Variants in OCA2 observed in about 807,000 individuals in gnomAD.
OCA2 encodes the protein OCA2 melanosomal transmembrane protein.
OCA2 carries 77 observed loss-of-function variants against 100.2 expected under a neutral mutation model. The observed-to-expected ratio is 0.77, with a 90% CI of 0.64 to 0.93. The LOEUF (loss-of-function observed/expected upper bound fraction) is 0.93, where lower values mean the gene tolerates loss of function less well. OCA2 is among the 40% of genes least tolerant of loss of function. The pLI is 0.00. For synonymous variants in OCA2, 432 were observed against 439.2 expected (o/e 0.98, Z 0.21); for missense variants, 1,062 against 1,089.1 (o/e 0.98, Z 0.35).
At chr15:28,057,228 G>A (rs1342231777) in intron 2 of OCA2, among the ~76,000 whole-genome samples, 2 of 152,114 alleles carry the variant, frequency 1.3e-5, no homozygotes. Flanking sequence ...GCACCTTTTT[G>A]AAACTATCCA....
chr15:27,876,330 C>G (rs1291188291), intron 19 of OCA2, among the ~76,000 whole-genome samples: 2 of 151,972 alleles, frequency 1.3e-5, no homozygotes, highest in Non-Finnish European at 2.9e-5. Flanking sequence ...TTATGCTGTA[C>G]TATTTTATAT....
chr15:27,939,400 T>C (rs561795125), intron 18 of OCA2, among the ~76,000 whole-genome samples: 1 of 152,212 alleles, frequency 6.6e-6, no homozygotes, highest in Non-Finnish European at 1.5e-5. Flanking sequence ...TGCAGTGATA[T>C]GTAAAATATG....
At chr15:27,728,514 G>A in the OCA2 span, among the ~76,000 whole-genome samples, 2 of 152,120 alleles carry the variant, frequency 1.3e-5, no homozygotes, top group African/African-American at 4.8e-5. Context: ...CCCTTTCGGC[G>A]CAAGCTGGCA....
At chr15:27,755,735 G>A (rs1048153136) in intron 23 of OCA2, among the ~76,000 whole-genome samples, 2 of 152,172 alleles carry the variant, frequency 1.3e-5, no homozygotes, top group African/African-American at 4.8e-5. Context: ...TGGAGCCTCT[G>A]TTTGTTCATC....
intron 23 of OCA2, among the ~76,000 whole-genome samples, chr15:27,759,339 C>G (rs1437979264): frequency 1.3e-5 from 2 of 152,012 alleles, no homozygotes; most frequent in African/African-American, 4.8e-5. Context: ...AAGAAGGAAT[C>G]TTGGAGTATC....
At chr15:28,078,502 G>A (rs1291531316) in intron 2 of OCA2, among the ~76,000 whole-genome samples, 1 of 152,194 alleles carries the variant, frequency 6.6e-6, no homozygotes, top group Non-Finnish European at 1.5e-5. Flanking sequence ...CAGATGGAGT[G>A]GGCCCCTGGC....
intron 9 of OCA2, among the ~76,000 whole-genome samples, chr15:28,001,270 C>T (rs2041915921): frequency 6.6e-6 from 1 of 151,944 alleles, no homozygotes; most frequent in African/African-American, 2.4e-5. Context: ...CACACACACA[C>T]ACACACACAT....
intron 22 of OCA2, among the ~76,000 whole-genome samples, chr15:27,848,262 C>A (rs1293059492): frequency 1.3e-5 from 2 of 152,224 alleles, no homozygotes; most frequent in Admixed American, 6.5e-5. Flanking sequence ...TGCAGGGAGT[C>A]TGCTTCCTCT....
At chr15:27,805,454 C>T (rs1215978267) in intron 23 of OCA2, among the ~76,000 whole-genome samples, 3 of 152,200 alleles carry the variant, frequency 2.0e-5, no homozygotes, top group Admixed American at 6.5e-5. Context: ...CGCGGGGACC[C>T]GGTGTAAAAC....
chr15:28,035,058 C>T (rs770209081), intron 2 of OCA2, among the ~76,000 whole-genome samples: 20 of 151,930 alleles, frequency 1.3e-4, no homozygotes, highest in Admixed American at 6.6e-5. Context: ...AGCACCACAT[C>T]GCACAATGTG....
At chr15:27,920,246 T>C (rs926870606) in intron 19 of OCA2, among the ~76,000 whole-genome samples, 3 of 151,720 alleles carry the variant, frequency 2.0e-5, no homozygotes, top group Non-Finnish European at 4.4e-5. Flanking sequence ...AAGACCCAAA[T>C]AGATTGAAAG....
intron 6 of OCA2, among the ~76,000 whole-genome samples, chr15:28,020,550 T>C (rs1431264927): frequency 2.6e-5 from 4 of 151,914 alleles, no homozygotes; most frequent in Non-Finnish European, 5.9e-5. Flanking sequence ...GGGAACTTCA[T>C]GAGGGGGGCC....
chr15:28,013,906 A>G (rs1374409016), intron 9 of OCA2, among the ~76,000 whole-genome samples: 1 of 152,206 alleles, frequency 6.6e-6, no homozygotes, highest in Non-Finnish European at 1.5e-5. Flanking sequence ...GTAAGAGATA[A>G]CAATTAATCC....
intron 9 of OCA2, among the ~76,000 whole-genome samples, chr15:27,993,039 G>T (rs2041606966): frequency 1.3e-5 from 2 of 152,120 alleles, no homozygotes; most frequent in Non-Finnish European, 2.9e-5. Flanking sequence ...TGGGAGAATT[G>T]CTTGAGCCCT....
chr15:27,731,999 A>G, the OCA2 span, among the ~76,000 whole-genome samples: 1 of 152,202 alleles, frequency 6.6e-6, no homozygotes, highest in Non-Finnish European at 1.5e-5. Context: ...TCCACAGCCC[A>G]GGGTCTGACA....
intron 7 of OCA2, among the ~76,000 whole-genome samples, chr15:28,017,831 G>A (rs1202174705): frequency 6.6e-6 from 1 of 152,118 alleles, no homozygotes. Context: ...GGGCTCGGGG[G>A]AGTCAGGCTT....
intron 19 of OCA2, among the ~76,000 whole-genome samples, chr15:27,900,423 T>C (rs933641732): frequency 6.6e-6 from 1 of 152,234 alleles, no homozygotes; most frequent in Non-Finnish European, 1.5e-5. Context: ...CTCATCCTTA[T>C]GAGCGGCCCG....
chr15:27,770,952 A>T (rs149381282), intron 23 of OCA2, among the ~76,000 whole-genome samples: 2,703 of 30,182 alleles, frequency 0.09, 126 homozygotes, highest in African/African-American at 0.24. Context: ...CCTTGCTTCC[A>T]TCTTTCCTTC....
intron 14 of OCA2, among the ~76,000 whole-genome samples, chr15:27,970,836 G>A (rs1382224528): frequency 1.3e-5 from 2 of 150,496 alleles, no homozygotes; most frequent in African/African-American, 2.5e-5. Flanking sequence ...GTGGGAAAAC[G>A]TGAAAAACGT....
Sources: allele counts gnomAD v4.1 joint callset (sites outside exome capture counted in the v4.1 genomes callset), GRCh38; gene constraint gnomAD v4.1.1; transcripts MANE v1.5; gene names NCBI Gene and HGNC (gene_info 2026-07-23, HGNC 2026-07-21).